The following COL28A1 variants were observed in gnomAD, a reference collection of about 807,000 sequenced individuals.
COL28A1 encodes the protein collagen type XXVIII alpha 1 chain.
Under a neutral mutation model 150.2 loss-of-function variants are expected in COL28A1, and 161 were observed. The ratio of observed to expected loss-of-function variants is 1.07; its 90% CI spans 0.94 to 1.22. The LOEUF (loss-of-function observed/expected upper bound fraction) is 1.22. COL28A1 is among the 50% of genes most tolerant of loss of function. The probability of loss-of-function intolerance (pLI) is 0.00; values close to 1 mark genes in which losing one functional copy is unlikely to be tolerated. For synonymous variants in COL28A1, 552 were observed against 469.7 expected, an observed-to-expected ratio of 1.18 and a Z score of -2.26; for missense variants, 1,617 against 1,388.3, an observed-to-expected ratio of 1.16 and a Z score of -2.62.
At chr7:7,500,601 A>G (rs552187737) in intron 11 of COL28A1, among the ~76,000 whole-genome samples, 8 of 152,328 alleles carry the variant, frequency 5.3e-5, no homozygotes, top group African/African-American at 1.7e-4. Flanking sequence ...ATATCCACAC[A>G]TGCATTCCTA....
At chr7:7,480,827 G>A (rs1789329450) in intron 13 of COL28A1, among the ~76,000 whole-genome samples, 2 of 152,224 alleles carry the variant, frequency 1.3e-5, no homozygotes, top group South Asian at 2.1e-4. Context: ...TTTGTACTGA[G>A]GTTCAAGCCC....
chr7:7,415,037 C>CTGAA (rs1220571094), intron 27 of COL28A1, among the ~76,000 whole-genome samples: 1 of 152,170 alleles, frequency 6.6e-6, no homozygotes, highest in Admixed American at 6.5e-5. Flanking sequence ...GGTTGGTCAG[C>CTGAA]TGAATGAATG....
intron 7 of COL28A1, 41 bp downstream of exon 7, chr7:7,517,755 A>G: frequency 6.2e-7 from 1 of 1,612,362 alleles, no homozygotes; most frequent in South Asian, 1.1e-5. Flanking sequence ...TCAGTAACCT[A>G]GGATCACTTT....
chr7:7,365,464 A>C (rs1437975829), intron 33 of COL28A1, among the ~76,000 whole-genome samples: 1 of 152,148 alleles, frequency 6.6e-6, no homozygotes, highest in African/African-American at 2.4e-5. Context: ...CAGACGTGTT[A>C]TCACCATTCT....
chr7:7,452,844 C>G (rs1004112990), intron 17 of COL28A1, among the ~76,000 whole-genome samples: 1 of 152,150 alleles, frequency 6.6e-6, no homozygotes, highest in Admixed American at 6.5e-5. Flanking sequence ...GCTTCTCACA[C>G]GGACAGCTCT....
intron 13 of COL28A1, among the ~76,000 whole-genome samples, chr7:7,487,925 C>T (rs568859125): frequency 6.6e-6 from 1 of 152,278 alleles, no homozygotes; most frequent in African/African-American, 2.4e-5. Flanking sequence ...ACCACTGTAG[C>T]TGCCCATGTG....
chr7:7,358,570 TG>T lies in COL28A1; in HGVS notation c.*62del. On this transcript the variant is annotated 3_prime_UTR_variant, in exon 35 of 35. Transcript: ENST00000399429. Reference sequence around the variant, plus strand: ...CTCAAATATAGTGCTGTATTTGTATTGGGTGAATATGTGGAAATTAGGGAGT... The same window carrying T: ...CTCAAATATAGTGCTGTATTTGTATTGGTGAATATGTGGAAATTAGGGAGT... The T allele has an allele frequency of 6.9e-7, 1 of 1,450,614 alleles. No homozygotes were observed. Among genetic ancestry groups the T allele is most frequent in the Non-Finnish European group, 9.6e-7 (1 of 1,043,320 alleles). 89.9% of individuals were successfully genotyped at this position (1,450,614 alleles called of 1,614,324 possible).
intron 1 of COL28A1, among the ~76,000 whole-genome samples, chr7:7,535,424 TGTA>T (rs928671862): frequency 1.3e-5 from 2 of 152,134 alleles, no homozygotes; most frequent in Non-Finnish European, 1.5e-5. Context: ...TTAGCCAAGT[TGTA>T]AAGTATTCTA....
At chr7:7,380,281 G>C (rs1005000151) in intron 30 of COL28A1, among the ~76,000 whole-genome samples, 5 of 152,050 alleles carry the variant, frequency 3.3e-5, no homozygotes, top group East Asian at 1.9e-4. Flanking sequence ...ACTTCTAAAG[G>C]AACTAGTTCA....
At chr7:7,497,491 T>C (rs552055407) in intron 11 of COL28A1, among the ~76,000 whole-genome samples, 2 of 152,280 alleles carry the variant, frequency 1.3e-5, no homozygotes, top group East Asian at 3.9e-4. Flanking sequence ...CAATAAAATA[T>C]AGGACTGGGT....
At chr7:7,452,769 C>T (rs1311228949) in intron 17 of COL28A1, among the ~76,000 whole-genome samples, 2 of 152,154 alleles carry the variant, frequency 1.3e-5, no homozygotes, top group Admixed American at 6.5e-5. Flanking sequence ...GAGAACGCAA[C>T]TCAAGCTTTC....
intron 23 of COL28A1, among the ~76,000 whole-genome samples, chr7:7,435,528 C>G (rs73674556): frequency 0.029 from 4,475 of 152,234 alleles, 164 homozygotes; most frequent in African/African-American, 0.087. Flanking sequence ...AGCTGTCACT[C>G]TAGCAGGGAG....
At position 7,520,076 on chromosome 7, in the gene COL28A1, G is replaced by T. The variant is rs1562897175; in HGVS notation, c.799C>A (p.Pro267Thr). The change falls in exon 6 of 35, where the codon CCA (proline) becomes ACA (threonine). Residue 267 changes from proline (P) to threonine (T), a missense_variant. Coordinates refer to ENST00000399429, the MANE Select transcript of COL28A1 (RefSeq NM_001037763.3). Reference protein sequence around the residue: ...GNPGIKGERGPKGNPGNAQKG... With the variant: ...GNPGIKGERGTKGNPGNAQKG... ...TATTCATTTACCGGGTTTCCTTTTG[G>T]TCCTCGCTCACCTTTGATACCTGGA... 7.0e-7 allele frequency: 1 copy of T among 1,430,476 alleles called. No homozygotes were observed. Among genetic ancestry groups the T allele is most frequent in the East Asian group, 2.3e-5 (1 of 43,996 alleles). The allele number at this position is 1,430,476 out of a possible 1,614,324, so 88.6% of individuals were successfully genotyped here.
chr7:7,449,568 T>C (rs1420189450), intron 18 of COL28A1, among the ~76,000 whole-genome samples: 1 of 151,638 alleles, frequency 6.6e-6, no homozygotes, highest in Non-Finnish European at 1.5e-5. Context: ...TAAAAAATAA[T>C]AGGCAAAACT....
At position 7,358,439 on chromosome 7, in the gene COL28A1, TC is replaced by T. The variant is rs1780445668; in HGVS notation, c.*193del. ...GACAGTTGACAAGTTACTAAACTTC[TC>T]AGAGCCTCAGCTTTCTTACCTATAT... On this transcript the variant is annotated 3_prime_UTR_variant, in exon 35 of 35. Transcript: ENST00000399429. 2 of 480,860 alleles carry T rather than the reference TC, an allele frequency of 4.2e-6. No homozygotes were observed. Among genetic ancestry groups the T allele is most frequent in the Non-Finnish European group, 7.1e-6 (2 of 281,148 alleles). 29.8% of individuals were successfully genotyped at this position (480,860 alleles called of 1,614,324 possible).
intron 27 of COL28A1, among the ~76,000 whole-genome samples, chr7:7,404,527 C>T (rs1263719534): frequency 6.6e-6 from 1 of 152,042 alleles, no homozygotes; most frequent in Non-Finnish European, 1.5e-5. Context: ...AGCCACCCTC[C>T]TGCCTCTATA....
At chr7:7,365,053 A>G (rs1443805951) in intron 33 of COL28A1, among the ~76,000 whole-genome samples, 1 of 152,200 alleles carries the variant, frequency 6.6e-6, no homozygotes, top group African/African-American at 2.4e-5. Flanking sequence ...TCCAACTCTA[A>G]AAGTTGGATT....
At chr7:7,487,765 C>A (rs980667651) in intron 13 of COL28A1, among the ~76,000 whole-genome samples, 1 of 152,144 alleles carries the variant, frequency 6.6e-6, no homozygotes, top group Admixed American at 6.5e-5. Context: ...CTATTCCACT[C>A]GAATCTGAGC....
At chr7:7,516,417 A>G (rs1014160208) in intron 7 of COL28A1, among the ~76,000 whole-genome samples, 1 of 152,148 alleles carries the variant, frequency 6.6e-6, no homozygotes, top group Admixed American at 6.5e-5. Context: ...CTTTTATCTC[A>G]CACTAAATAA....
Sources: gnomAD v4.1 joint callset for allele counts (sites outside exome capture counted in the v4.1 genomes callset) on GRCh38, gnomAD v4.1.1 for gene constraint, MANE v1.5 for transcripts, NCBI Gene and HGNC (gene_info 2026-07-23, HGNC 2026-07-21) for gene names.